DOP1A: variants seen among roughly 807,000 people sequenced by gnomAD.
DOP1A encodes DOP1 leucine zipper like protein A.
A neutral mutation model predicts 267.6 loss-of-function variants in DOP1A; 90 were observed. The ratio of observed to expected loss-of-function variants is 0.34; its 90% CI spans 0.28 to 0.40. The LOEUF (loss-of-function observed/expected upper bound fraction) is 0.40. Among genes scored for constraint, DOP1A ranks in the 10% least tolerant of loss-of-function variants. DOP1A has a pLI of 1.00. For synonymous variants in DOP1A, 932 were observed against 999.1 expected, an observed-to-expected ratio of 0.93 and a Z score of 1.27; for missense variants, 2,437 against 2,900.4, an observed-to-expected ratio of 0.84 and a Z score of 3.67.
chr6:83,144,365 AAAG>A (rs1473801995), intron 24 of DOP1A, among the ~76,000 whole-genome samples: 2 of 152,160 alleles, frequency 1.3e-5, no homozygotes, highest in African/African-American at 4.8e-5. Context: ...CTCAAGGAAA[AAAG>A]AGAAGAGAGG....
At chr6:83,146,672 T>C (rs568772843) in intron 25 of DOP1A, among the ~76,000 whole-genome samples, 3 of 152,310 alleles carry the variant, frequency 2.0e-5, no homozygotes, top group East Asian at 1.9e-4. Flanking sequence ...AAAGCACAAA[T>C]TGATAAACGT....
Position 83,110,185 on chromosome 6 carries a change from C to G in DOP1A, c.552C>G (p.Ala184=). 1.2e-6 allele frequency: 2 copies of G among 1,613,814 alleles called. No individual in the cohort carries two copies. The highest frequency in any genetic ancestry group is 1.7e-6 in the Non-Finnish European group (2 of 1,179,868). The part of the protein sequence containing the change: ...AAVDQSAFYS[A]LWGSLLTSPA... The stretch of plus-strand genomic sequence containing the variant: ...TGGACCAGTCAGCATTCTACAGTGC[C>G]CTGTGGGGTAGTCTTCTCACCAGTC... Residue 184 remains alanine (A), a synonymous_variant, in exon 6 of 39, where the codon GCC becomes GCG. Coordinates refer to ENST00000349129, the MANE Select transcript of DOP1A (RefSeq NM_015018.4).
At chr6:83,097,693 C>T (rs985602647) in intron 3 of DOP1A, among the ~76,000 whole-genome samples, 17 of 151,990 alleles carry the variant, frequency 1.1e-4, no homozygotes, top group Non-Finnish European at 2.1e-4. Flanking sequence ...CAACCTCTGG[C>T]GCTTCATTTT....
chr6:83,076,627 G>T (rs1767141754), intron 1 of DOP1A, among the ~76,000 whole-genome samples: 2 of 152,014 alleles, frequency 1.3e-5, no homozygotes, highest in African/African-American at 4.8e-5. Context: ...AATAGTTTTG[G>T]CAAGGATGTA....
intron 1 of DOP1A, among the ~76,000 whole-genome samples, chr6:83,085,694 G>A (rs1474182099): frequency 7.0e-6 from 1 of 141,992 alleles, no homozygotes; most frequent in Non-Finnish European, 1.5e-5. Context: ...TATCAGAAGA[G>A]GTCTTATCCT....
chr6:83,108,861 TTGTATA>T (rs1282935070), intron 4 of DOP1A, 43 bp from the exon 5 acceptor site: 2 of 1,511,972 alleles, frequency 1.3e-6, no homozygotes, highest in Non-Finnish European at 1.8e-6. Context: ...TGAATTAATA[TTGTATA>T]GTTATTTTGC....
At chr6:83,068,194 C>T (rs1582809814) in intron 1 of DOP1A, among the ~76,000 whole-genome samples, 1 of 152,168 alleles carries the variant, frequency 6.6e-6, no homozygotes, top group East Asian at 1.9e-4. Flanking sequence ...GGAATCGAGG[C>T]GTTGTGCCTT....
chr6:83,170,486 C>T, downstream of DOP1A: 1 of 1,611,696 alleles, frequency 6.2e-7, no homozygotes, highest in African/African-American at 1.3e-5. Flanking sequence ...AACCTAAGTG[C>T]AAGCATTTCA....
intron 3 of DOP1A, among the ~76,000 whole-genome samples, chr6:83,097,809 A>G (rs939387807): frequency 6.6e-6 from 1 of 151,778 alleles, no homozygotes; most frequent in Non-Finnish European, 1.5e-5. Context: ...TAAAGAGGTT[A>G]CATAGGAAAG....
At chr6:83,168,548 A>C (rs1786397140), downstream of DOP1A, 33 of 1,002,498 alleles carry the variant, frequency 3.3e-5, no homozygotes, top group Non-Finnish European at 3.9e-5. Flanking sequence ...TTCTGGTATC[A>C]GAATGGTGTT....
intron 10 of DOP1A, 23 bp downstream of exon 10, chr6:83,120,814 A>T: frequency 1.4e-6 from 2 of 1,446,122 alleles, no homozygotes; most frequent in Non-Finnish European, 1.9e-6. Flanking sequence ...GTCCTAGGGC[A>T]TAAGGTCATG....
chr6:83,158,634 T>C lies in DOP1A; in HGVS notation c.6797+12T>C, dbSNP rs1434404163. ...GAAGATATTTCACGGTAATATGTAA[T>C]TTAAATATATTGTTGTCCATTTTTT... On this transcript the variant is annotated intron_variant, in intron 36 of 38. Transcript: ENST00000349129. 1.3e-6 allele frequency: 2 copies of C among 1,583,098 alleles called. No individual in the cohort carries two copies. The highest frequency in any genetic ancestry group is 2.3e-5 in the South Asian group (2 of 87,992).
At chr6:83,133,913 T>C (rs1184351573) in intron 18 of DOP1A, among the ~76,000 whole-genome samples, 1 of 152,110 alleles carries the variant, frequency 6.6e-6, no homozygotes, top group Non-Finnish European at 1.5e-5. Context: ...TACAATAATA[T>C]AGTAAACTAA....
chr6:83,160,393 G>T (rs898520470), intron 37 of DOP1A, among the ~76,000 whole-genome samples: 1 of 152,232 alleles, frequency 6.6e-6, no homozygotes, highest in Non-Finnish European at 1.5e-5. Context: ...GACATGATAC[G>T]TCTGAAGTGT....
chr6:83,124,706 A>G lies in DOP1A; in HGVS notation c.1342A>G (p.Arg448Gly). 1 of 1,610,868 alleles carries G rather than the reference A, an allele frequency of 6.2e-7. No homozygotes were observed. Among genetic ancestry groups the G allele is most frequent in the Non-Finnish European group, 8.5e-7 (1 of 1,178,214 alleles). The change falls in exon 13 of 39, where the codon AGG becomes GGG. Residue 448 changes from arginine to glycine, a missense_variant and splice_region_variant. Physicochemically the swap from Arg to Gly is moderately radical, Grantham distance 125. This residue lies in a region of DOP1A where 498 missense variants were observed against 513.5 expected (regional missense o/e 0.97). Coordinates refer to ENST00000349129, the MANE Select transcript of DOP1A (RefSeq NM_015018.4). The stretch of plus-strand genomic sequence containing the variant: ...ATAAAGTGAATTTTGTCCTTTTAGG[A>G]GGACACTGCATGTGAGACTTCAGAT... ...VARWFEECCR[R>G]TLHVRLQIGP...
chr6:83,091,479 T>G (rs985288560), intron 1 of DOP1A, among the ~76,000 whole-genome samples: 2 of 152,156 alleles, frequency 1.3e-5, no homozygotes, highest in African/African-American at 4.8e-5. Context: ...ATTTAGGAAT[T>G]TATTGCCTAA....
rs1772421163 is a variant in DOP1A at position 83,100,719 on chromosome 6, T to C, written c.153T>C (p.Asn51=). 6.8e-7 allele frequency: 1 copy of C among 1,474,914 alleles called. No individual in the cohort carries two copies. The highest frequency in any genetic ancestry group is 9.0e-7 in the Non-Finnish European group (1 of 1,109,538). 91.4% of individuals were successfully genotyped at this position (1,474,914 alleles called of 1,614,324 possible). Residue 51 remains asparagine (N), a synonymous_variant, in exon 4 of 39, where the codon AAT becomes AAC. Coordinates refer to ENST00000349129, the MANE Select transcript of DOP1A (RefSeq NM_015018.4). ...CTTTCTTCAAGGTTTTACAAAATAA[T>C]GCAAAGTACCAAGTAGTACCCAAAA... is the stretch of plus-strand genomic sequence containing the variant. ...LGKLNKVLQN[N]AKYQVVPKKL... is the part of the protein sequence containing the mutation.
At chr6:83,160,725 TTAAGG>T (rs1476411002) in intron 37 of DOP1A, among the ~76,000 whole-genome samples, 1 of 152,162 alleles carries the variant, frequency 6.6e-6, no homozygotes, top group African/African-American at 2.4e-5. Flanking sequence ...CAAAATGTAG[TTAAGG>T]TAATATGAGA....
chr6:83,119,815 C>A lies in DOP1A; in HGVS notation c.948C>A (p.Ala316=), dbSNP rs924475140. 6.2e-7 allele frequency: 1 copy of A among 1,612,780 alleles called. No homozygotes were observed. The highest frequency in any genetic ancestry group is 1.3e-5 in the African/African-American group (1 of 74,842). The part of the protein sequence containing the change: ...STRHSNPEEH[A]TYYFTTFSKE... ...GACACAGTAATCCTGAAGAACATGC[C>A]ACTTACTATTTCACTACCTTTTCAA... The change falls in exon 9 of 39, where the codon GCC becomes GCA. Residue 316 remains alanine (A), a synonymous_variant. Coordinates refer to ENST00000349129, the MANE Select transcript of DOP1A (RefSeq NM_015018.4).
Sources: allele counts gnomAD v4.1 joint callset (sites outside exome capture counted in the v4.1 genomes callset), GRCh38; gene constraint gnomAD v4.1.1; regional missense constraint gnomAD v4.1.1; transcripts MANE v1.5; gene names NCBI Gene and HGNC (gene_info 2026-07-23, HGNC 2026-07-21).